Variants in FPGS observed in about 807,000 individuals in gnomAD.
FPGS encodes folylpolyglutamate synthase, mitochondrial.
FPGS carries 53 observed loss-of-function variants against 66.5 expected under a neutral mutation model. The observed-to-expected ratio is 0.80, with a 90% CI of 0.64 to 1.00. FPGS has a LOEUF of 1.00. Among genes scored for constraint, FPGS ranks in the 50% least tolerant of loss-of-function variants. The pLI, the probability that FPGS is intolerant of heterozygous loss-of-function variation, is 0.00. For synonymous variants in FPGS, 348 were observed against 350.9 expected (o/e 0.99, Z 0.09); for missense variants, 702 against 807.7 (o/e 0.87, Z 1.59).
downstream of FPGS, chr9:127,814,157 G>A (rs554463995): frequency 4.1e-6 from 4 of 985,766 alleles, no homozygotes; most frequent in Admixed American, 6.2e-5. Flanking sequence ...TGTGTAGAGG[G>A]AGCCTGGCTG....
chr9:127,813,306 C>CT lies in FPGS; in HGVS notation c.1466_1467insT (p.Ser491GlnfsTer49). 1 of 1,613,054 alleles carries CT rather than the reference C, an allele frequency of 6.2e-7. No homozygotes were observed. The highest frequency in any genetic ancestry group is 2.2e-5 in the East Asian group (1 of 44,868). ...CAGGCCAGCCCGGACCTCTGGAGTGCCCCCAGCCCAGAGCCCGGTGGGTCC... is the reference window on the plus strand; with the variant it reads ...CAGGCCAGCCCGGACCTCTGGAGTGCTCCCCAGCCCAGAGCCCGGTGGGTCC... On this transcript the variant is annotated frameshift_variant, in exon 15 of 15. Coordinates refer to ENST00000373247, the MANE Select transcript of FPGS (RefSeq NM_004957.6). LOFTEE classifies it low-confidence loss of function (END_TRUNC).
At chr9:127,803,419 C>G in intron 1 of FPGS, 1 of 1,040,080 alleles carries the variant, frequency 9.6e-7, no homozygotes, top group Non-Finnish European at 1.2e-6. Flanking sequence ...GGAAGAGACT[C>G]AGGAATTCAG....
intron 8 of FPGS, 194 bp from the exon 9 acceptor site, chr9:127,808,040 A>G: frequency 3.4e-6 from 2 of 589,850 alleles, no homozygotes; most frequent in South Asian, 4.2e-5. Context: ...CGGGAGGCAG[A>G]CGTTGCAGTG....
chr9:127,803,249 C>G (rs1029030365), intron 1 of FPGS, 187 bp downstream of exon 1: 1 of 1,240,488 alleles, frequency 8.1e-7, no homozygotes, highest in African/African-American at 1.6e-5. Context: ...CCCGGGCCGC[C>G]GGGGCTGGGA....
rs570563250 is a variant in FPGS at position 127,813,559 on chromosome 9, G to C, written c.1719G>C (p.Leu573=). The C allele has an allele frequency of 3.8e-6, 6 of 1,588,592 alleles. No homozygotes were observed. The highest frequency in any genetic ancestry group is 2.7e-5 in the African/African-American group (2 of 74,558). ...IHVLVTGSLH[L]VGGVLKLLEP... is the part of the protein sequence containing the mutation. ...TGCTAGTCACTGGCAGCCTGCACCTGGTGGGTGGTGTCCTGAAGCTGCTGG... is the reference window on the plus strand; with the variant it reads ...TGCTAGTCACTGGCAGCCTGCACCTCGTGGGTGGTGTCCTGAAGCTGCTGG... Residue 573 remains leucine, a synonymous_variant, in exon 15 of 15, where the codon CTG becomes CTC. Coordinates refer to ENST00000373247, the MANE Select transcript of FPGS (RefSeq NM_004957.6).
chr9:127,804,323 C>G lies in FPGS; in HGVS notation c.177C>G (p.Ala59=), dbSNP rs201707418. ...TGCTCAATACCCTGCAGACCAATGC[C>G]GGCTACCTGGAGCAGGTGAAGCGCC... is the stretch of plus-strand genomic sequence containing the variant. ...VRMLNTLQTN[A]GYLEQVKRQR... The change falls in exon 2 of 15, where the codon GCC becomes GCG. Residue 59 remains alanine (A), a synonymous_variant. Transcript: ENST00000373247. The G allele has an allele frequency of 8.7e-6, 14 of 1,614,096 alleles. No homozygotes were observed. The highest frequency in any genetic ancestry group is 4.4e-5 in the South Asian group (4 of 91,088).
At chr9:127,806,757 A>T in intron 4 of FPGS, 1 of 576,528 alleles carries the variant, frequency 1.7e-6, no homozygotes. Context: ...GTTGAGACCA[A>T]CGTGGTGAAT....
chr9:127,807,680 A>G lies in FPGS; in HGVS notation c.736A>G (p.Ile246Val). 6.3e-7 allele frequency: 1 copy of G among 1,580,180 alleles called. No homozygotes were observed. ...VEKIAWQKGG[I>V]FKQGVPAFTV... ...GAAGATCGCATGGCAGAAAGGGGGC[A>G]TCTTTAAGGTGACCAGGCAGACTGG... The change falls in exon 8 of 15, where the codon ATC becomes GTC. Residue 246 changes from isoleucine to valine, a missense_variant. Around this residue, in one of 3 missense-constraint regions of FPGS, gnomAD observed 240 missense variants for 348.6 expected, o/e 0.69. Transcript: ENST00000373247. The surrounding 1 kb of genome is among the most constrained non-coding windows in gnomAD (Gnocchi z 5.8).
chr9:127,804,176 C>A, intron 1 of FPGS, 109 bp from the exon 2 acceptor site: 1 of 1,399,854 alleles, frequency 7.1e-7, no homozygotes, highest in Non-Finnish European at 9.8e-7. Context: ...GGCAGGCGGG[C>A]CTGGTACTGG....
At position 127,807,059 on chromosome 9, in the gene FPGS, G is replaced by A. The variant is rs774893616; in HGVS notation, c.473G>A (p.Arg158His). Residue 158 changes from arginine (R) to histidine (H), a missense_variant, in exon 5 of 15, where the codon CGC becomes CAC. This residue lies in a region of FPGS where 240 missense variants were observed against 348.6 expected (regional missense o/e 0.69). Transcript: ENST00000373247. This position sits in a 1 kb window ranked among gnomAD's most constrained non-coding sequence, Gnocchi z 5.8. The part of the protein sequence containing the change: ...SPELFTKYFW[R>H]LYHRLEETKD... ...GAGCTCTTCACCAAGTACTTCTGGCGCCTCTACCACCGGCTGGAGGAGACC... is the reference window on the plus strand; with the variant it reads ...GAGCTCTTCACCAAGTACTTCTGGCACCTCTACCACCGGCTGGAGGAGACC... The A allele has an allele frequency of 7.4e-6, 12 of 1,614,038 alleles. No homozygotes were observed. The highest frequency in any genetic ancestry group is 5.0e-5 in the Admixed American group (3 of 60,004).
intron 1 of FPGS, 114 bp downstream of exon 1, chr9:127,803,176 G>T: frequency 7.9e-7 from 1 of 1,260,612 alleles, no homozygotes; most frequent in Admixed American, 4.2e-5. Flanking sequence ...GCCCTGGACT[G>T]GGGGACTCGG....
Position 127,808,715 on chromosome 9 carries a change from C to A in FPGS, c.970+10C>A. On this transcript the variant is annotated intron_variant, in intron 10 of 14. Transcript: ENST00000373247. ...CGGCAGGACCGCCATGGTGAGTGGG[C>A]AGCTGAGTGGGCAGGCAGGTGGGTG... 6.3e-7 allele frequency: 1 copy of A among 1,577,088 alleles called. No individual in the cohort carries two copies. The highest frequency in any genetic ancestry group is 1.2e-5 in the South Asian group (1 of 86,552).
intron 1 of FPGS, among the ~76,000 whole-genome samples, chr9:127,803,655 C>T (rs1588549067): frequency 6.6e-6 from 1 of 152,192 alleles, no homozygotes; most frequent in South Asian, 2.1e-4. Context: ...GAGGGTGGAG[C>T]CTCCAACCAG....
chr9:127,806,665 T>TGTCA (rs1829821129), intron 4 of FPGS: 2 of 384,620 alleles, frequency 5.2e-6, no homozygotes. Flanking sequence ...GTGGGACAGA[T>TGTCA]GTCAGCAGAG....
At chr9:127,804,589 G>A in intron 3 of FPGS, 37 bp downstream of exon 3, 2 of 1,614,136 alleles carry the variant, frequency 1.2e-6, no homozygotes, top group Non-Finnish European at 1.7e-6. Flanking sequence ...GGTCTATTAA[G>A]TGGCTGGTGG....
rs1483921673 is a variant in FPGS at position 127,813,598 on chromosome 9, C to T, written c.1758C>T (p.Ser586=). ...GVLKLLEPAL[S]Q is the part of the protein sequence containing the mutation. The stretch of plus-strand genomic sequence containing the variant: ...TGAAGCTGCTGGAGCCCGCACTGTC[C>T]CAGTAGCCAAGGCCCGGGGTTGGAG... Residue 586 remains serine, a synonymous_variant, in exon 15 of 15, where the codon TCC becomes TCT. Coordinates refer to ENST00000373247, the MANE Select transcript of FPGS (RefSeq NM_004957.6). 2.0e-6 allele frequency: 3 copies of T among 1,518,336 alleles called. No individual in the cohort carries two copies. In the East Asian group the frequency reaches 6.9e-5, roughly 35 times the overall value. 94.1% of individuals were successfully genotyped at this position (1,518,336 alleles called of 1,614,324 possible).
intron 14 of FPGS, among the ~76,000 whole-genome samples, chr9:127,812,352 C>G (rs12004468): frequency 0.024 from 3,563 of 147,304 alleles, 143 homozygotes; most frequent in African/African-American, 0.083. Context: ...GAGACAGTCT[C>G]GTTCTGTCAC....
At position 127,807,003 on chromosome 9, in the gene FPGS, G is replaced by A. The variant is rs1179329096; in HGVS notation, c.417G>A (p.Arg139=). Residue 139 remains arginine, a synonymous_variant, in exon 5 of 15, where the codon CGG becomes CGA. Coordinates refer to ENST00000373247, the MANE Select transcript of FPGS (RefSeq NM_004957.6). This position sits in a 1 kb window ranked among gnomAD's most constrained non-coding sequence, Gnocchi z 5.8. ...CCCACCTGGTGCAGGTTCGGGAGCG[G>A]ATCCGCATCAATGGGCAGCCCATCA... is the stretch of plus-strand genomic sequence containing the variant. ...SSPHLVQVRE[R]IRINGQPISP... 6 of 1,614,024 alleles carry A rather than the reference G, an allele frequency of 3.7e-6. No individual in the cohort carries two copies. In the African/African-American group the frequency reaches 8.0e-5, roughly 22 times the overall value.
At chr9:127,804,574 T>G (rs749002595) in intron 3 of FPGS, 22 bp downstream of exon 3, 1 of 1,614,020 alleles carries the variant, frequency 6.2e-7, no homozygotes, top group Non-Finnish European at 8.5e-7. Context: ...GACCCTGGGG[T>G]AGGGGGTCTA....
Sources: allele counts gnomAD v4.1 joint callset (sites outside exome capture counted in the v4.1 genomes callset), GRCh38; gene constraint gnomAD v4.1.1; regional missense constraint gnomAD v4.1.1; non-coding constraint Gnocchi (gnomAD v3.1); transcripts MANE v1.5; gene names NCBI Gene and HGNC (gene_info 2026-07-23, HGNC 2026-07-21).